Variants in RAE1 observed in about 807,000 individuals in gnomAD.
RAE1 encodes the protein ribonucleic acid export 1.
RAE1 carries 13 observed loss-of-function variants against 52.7 expected under a neutral mutation model. The ratio of observed to expected loss-of-function variants is 0.25; its 90% CI spans 0.16 to 0.39. The LOEUF (loss-of-function observed/expected upper bound fraction) is 0.39. Among genes scored for constraint, RAE1 ranks in the 10% least tolerant of loss-of-function variants. RAE1 has a pLI of 1.00. For synonymous variants in RAE1, 164 were observed against 153.1 expected (o/e 1.07, Z -0.52); for missense variants, 262 against 459.8 (o/e 0.57, Z 3.93).
chr20:57,368,890 T>C, intron 8 of RAE1, 78 bp downstream of exon 8: 3 of 1,179,888 alleles, frequency 2.5e-6, no homozygotes, highest in South Asian at 2.7e-5. Context: ...TGGAATACAG[T>C]TGTACTTTGT....
chr20:57,365,655 A>C (rs762629661), intron 5 of RAE1, among the ~76,000 whole-genome samples: 23 of 152,202 alleles, frequency 1.5e-4, no homozygotes, highest in Non-Finnish European at 2.9e-5. Context: ...TTGTCTTGTC[A>C]TGGATCTTCA....
At chr20:57,361,914 G>A (rs1018963275) in intron 4 of RAE1, among the ~76,000 whole-genome samples, 2 of 152,262 alleles carry the variant, frequency 1.3e-5, no homozygotes, top group Middle Eastern at 3.2e-3. Flanking sequence ...AGCAGGAGGT[G>A]AATGGTGGGC....
At chr20:57,353,955 C>T (rs1184029256) in intron 1 of RAE1, 77 bp from the exon 2 acceptor site, 2 of 1,275,810 alleles carry the variant, frequency 1.6e-6, no homozygotes, top group Admixed American at 3.8e-5. Context: ...TTCTCTTCTG[C>T]CAGTTAATTA....
intron 8 of RAE1, chr20:57,373,209 C>T (rs896171666): frequency 5.3e-5 from 25 of 468,058 alleles, no homozygotes; most frequent in African/African-American, 3.5e-4. Flanking sequence ...GCTCTGCTGG[C>T]GTGAACGCGG....
intron 8 of RAE1, 45 bp downstream of exon 8, chr20:57,368,857 G>A (rs756805096): frequency 1.4e-6 from 2 of 1,466,066 alleles, no homozygotes; most frequent in Non-Finnish European, 1.9e-6. Flanking sequence ...AGCACCTGTT[G>A]TATGCAAGAT....
intron 11 of RAE1, chr20:57,375,048 T>C: frequency 1.4e-6 from 1 of 704,536 alleles, no homozygotes; most frequent in Non-Finnish European, 2.6e-6. Flanking sequence ...CGGGCTGCTC[T>C]GTTCCTGGGC....
At chr20:57,365,667 A>G (rs6099583) in intron 5 of RAE1, among the ~76,000 whole-genome samples, 5,765 of 152,262 alleles carry the variant, frequency 0.038, 147 homozygotes, top group African/African-American at 0.082. Flanking sequence ...GGATCTTCAT[A>G]TATGTATGGA....
At chr20:57,357,256 TGTC>T (rs903532681) in intron 4 of RAE1, among the ~76,000 whole-genome samples, 76 of 152,330 alleles carry the variant, frequency 5.0e-4, no homozygotes, top group African/African-American at 1.7e-3. Flanking sequence ...TCCTTCCTTT[TGTC>T]GTCAAATCCT....
chr20:57,375,261 C>T (rs930301292), intron 11 of RAE1, among the ~76,000 whole-genome samples: 2 of 109,862 alleles, frequency 1.8e-5, no homozygotes, highest in Non-Finnish European at 4.1e-5. Flanking sequence ...TCTGCCCAAC[C>T]CCATGGGAAG....
chr20:57,374,918 G>T, intron 11 of RAE1, 117 bp downstream of exon 11: 1 of 1,154,972 alleles, frequency 8.7e-7, no homozygotes. Flanking sequence ...CCTTGGGCAG[G>T]TCACCGTCCC....
In RAE1 at chr20:57,374,187, C is replaced by T. The variant is rs1037577893; in HGVS notation, c.826-420C>T. Among the ~76,000 whole-genome samples, 3 of 152,290 alleles carry T rather than the reference C, an allele frequency of 2.0e-5. No homozygotes were observed. In the East Asian group the frequency reaches 5.8e-4, roughly 29 times the overall value. On this transcript the variant is annotated intron_variant, in intron 10 of 11. Transcript: ENST00000395841. The stretch of plus-strand genomic sequence containing the variant: ...GAGCCACCGCACTTGGCCTTGTTTT[C>T]TGTGTTAACGTGCCGCCTAACTAGC...
At chr20:57,375,947 C>T (rs578158357) in intron 11 of RAE1, among the ~76,000 whole-genome samples, 10 of 152,360 alleles carry the variant, frequency 6.6e-5, no homozygotes, top group African/African-American at 1.7e-4. Flanking sequence ...GCTGGCCCCC[C>T]GCTATCTCAG....
rs2067066299 is a variant in RAE1, at chr20:57,373,482, G to A, written c.650G>A (p.Cys217Tyr). Residue 217 changes from cysteine to tyrosine, a missense_variant, in exon 9 of 12, where the codon TGT becomes TAT. Cys to Tyr is a radical substitution (Grantham distance 194). Coordinates refer to ENST00000395841, the MANE Select transcript of RAE1 (RefSeq NM_003610.4). ...TTTTTATTTTAACTGTAGCATCGGT[G>A]TGTGGCTATTTTTAAAGACAAACAG... ...IESPLKHQHR[C>Y]VAIFKDKQNK... 2.5e-6 allele frequency: 4 copies of A among 1,613,010 alleles called. No homozygotes were observed. The highest frequency in any genetic ancestry group is 1.7e-5 in the Admixed American group (1 of 59,986).
At chr20:57,363,388 C>T (rs2066915078) in intron 4 of RAE1, among the ~76,000 whole-genome samples, 1 of 152,148 alleles carries the variant, frequency 6.6e-6, no homozygotes, top group South Asian at 2.1e-4. Context: ...TGGCGCACAC[C>T]TGTAGTCCCA....
At position 57,368,704 on chromosome 20, in the gene RAE1, G is replaced by GAT; in HGVS notation, c.538_539dup (p.Pro181ThrfsTer13). The GAT allele has an allele frequency of 6.2e-7, 1 of 1,606,776 alleles. No homozygotes were observed. Among genetic ancestry groups the GAT allele is most frequent in the Non-Finnish European group, 8.5e-7 (1 of 1,173,768 alleles). ...CATCTCTGTTTTCTTCCATTCCCTAGATATACCCCATGGCTGTGGTGGCAA... is the reference window on the plus strand; with the variant it reads ...CATCTCTGTTTTCTTCCATTCCCTAGATATATACCCCATGGCTGTGGTGGCAA... On this transcript the variant is annotated frameshift_variant and splice_region_variant. Transcript: ENST00000395841. LOFTEE classifies it high-confidence loss of function.
At chr20:57,370,380 C>T (rs1197245749) in intron 8 of RAE1, among the ~76,000 whole-genome samples, 1 of 152,216 alleles carries the variant, frequency 6.6e-6, no homozygotes, top group Non-Finnish European at 1.5e-5. Context: ...TTACCCGCTA[C>T]CTCTGTGGCT....
intron 8 of RAE1, chr20:57,371,881 G>A (rs189265225): frequency 1.6e-4 from 25 of 152,318 alleles, no homozygotes; most frequent in African/African-American, 5.8e-4. Flanking sequence ...TGACAACGTG[G>A]GTGACCATGA....
Position 57,378,013 on chromosome 20 carries a change from G to A in RAE1, c.1021G>A (p.Gly341Arg). The A allele has an allele frequency of 3.1e-6, 5 of 1,606,046 alleles. No homozygotes were observed. The highest frequency in any genetic ancestry group is 4.3e-6 in the Non-Finnish European group (5 of 1,173,570). Residue 341 changes from glycine to arginine, a missense_variant and splice_region_variant, in exon 12 of 12, where the codon GGA becomes AGA. Physicochemically the swap from Gly to Arg is moderately radical, Grantham distance 125. Coordinates refer to ENST00000395841, the MANE Select transcript of RAE1 (RefSeq NM_003610.4). The stretch of plus-strand genomic sequence containing the variant: ...CATTGGTGTTTTTTGCTCTCTTTAG[G>A]GACATGAATTTTATAATCCCCAGAA... ...AYASSYDWSK[G>R]HEFYNPQKKN...
intron 11 of RAE1, chr20:57,375,071 G>A (rs1179220235): frequency 4.3e-6 from 3 of 696,834 alleles, no homozygotes; most frequent in Non-Finnish European, 7.9e-6. Context: ...AGAAGCACAG[G>A]CAAGCCGGGG....
Sources: gnomAD v4.1 joint callset for allele counts (sites outside exome capture counted in the v4.1 genomes callset) on GRCh38, gnomAD v4.1.1 for gene constraint, MANE v1.5 for transcripts, NCBI Gene and HGNC (gene_info 2026-07-23, HGNC 2026-07-21) for gene names.